The following PCDHGA8 variants were observed in gnomAD, a reference collection of about 807,000 sequenced individuals.
PCDHGA8 encodes the protein protocadherin gamma-A8.
A neutral mutation model predicts 59.2 loss-of-function variants in PCDHGA8; 45 were observed. The observed-to-expected ratio is 0.76, with a 90% CI of 0.60 to 0.98. The LOEUF (loss-of-function observed/expected upper bound fraction) is 0.98. Among genes scored for constraint, PCDHGA8 ranks in the 50% least tolerant of loss-of-function variants. The pLI is 0.00. For missense variants in PCDHGA8, 1,257 were observed against 1,196.2 expected, an observed-to-expected ratio of 1.05 and a Z score of -0.75; for synonymous variants, 531 against 519.0, an observed-to-expected ratio of 1.02 and a Z score of -0.32.
At chr5:141,494,099 C>T (rs976610819) in intron 1 of PCDHGA8, among the ~76,000 whole-genome samples, 3 of 152,172 alleles carry the variant, frequency 2.0e-5, no homozygotes, top group South Asian at 2.1e-4. Context: ...CATTTTTCTC[C>T]GTCTCAGACA....
In PCDHGA8 at chr5:141,476,628, C is replaced by T. The variant is rs899753438; in HGVS notation, c.2425-18179C>T. 6.2e-6 allele frequency: 10 copies of T among 1,614,160 alleles called. No individual in the cohort carries two copies. The highest frequency in any genetic ancestry group is 7.6e-6 in the Non-Finnish European group (9 of 1,180,068). On this transcript the variant is annotated intron_variant, in intron 1 of 3. Coordinates refer to ENST00000398604, the MANE Select transcript of PCDHGA8 (RefSeq NM_032088.2). The surrounding 1 kb of genome is among the most constrained non-coding windows in gnomAD (Gnocchi z 7.6). ...GATGTGGGAAGCAACTCTTTACAAACCTATGAGCTGAGCCGAAATGAATAC... is the reference window on the plus strand; with the variant it reads ...GATGTGGGAAGCAACTCTTTACAAATCTATGAGCTGAGCCGAAATGAATAC...
intron 1 of PCDHGA8, among the ~76,000 whole-genome samples, chr5:141,455,290 T>C (rs551962783): frequency 5.3e-5 from 8 of 152,206 alleles, no homozygotes; most frequent in East Asian, 1.9e-4. Flanking sequence ...TCACTTTACA[T>C]AGTTTCATCT....
chr5:141,398,799 C>T (rs2093705548), intron 1 of PCDHGA8: 3 of 1,613,848 alleles, frequency 1.9e-6, no homozygotes, highest in East Asian at 2.2e-5. Context: ...CCCTAAGCGG[C>T]ACCACTGAGC....
chr5:141,491,908 G>A lies in PCDHGA8; in HGVS notation c.2425-2899G>A. ...GGGGCTCCGAGCACCGGGGGTGGTG[G>A]CGACTGTGGGCGAGGGGAGGTGGGA... On this transcript the variant is annotated intron_variant, in intron 1 of 3. Transcript: ENST00000398604. The surrounding 1 kb of genome is among the most constrained non-coding windows in gnomAD (Gnocchi z 6.9). The A allele has an allele frequency of 7.1e-7, 1 of 1,408,288 alleles. No individual in the cohort carries two copies. Among genetic ancestry groups the A allele is most frequent in the East Asian group, 2.5e-5 (1 of 39,276 alleles). The allele number at this position is 1,408,288 out of a possible 1,614,324, so 87.2% of individuals were successfully genotyped here. A position where few individuals can be genotyped will look rare whatever the true frequency, so the allele number is the denominator to read the frequency against.
chr5:141,402,610 G>A (rs900326336), intron 1 of PCDHGA8, among the ~76,000 whole-genome samples: 1 of 152,168 alleles, frequency 6.6e-6, no homozygotes, highest in Admixed American at 6.5e-5. Context: ...AAATACAAAT[G>A]CAAGAAACAA....
At chr5:141,480,653 T>C (rs1214823403) in intron 1 of PCDHGA8, among the ~76,000 whole-genome samples, 2 of 152,190 alleles carry the variant, frequency 1.3e-5, no homozygotes, top group Admixed American at 1.3e-4. Context: ...TGGTTGCACA[T>C]TAAAATCACC....
At position 141,394,749 on chromosome 5, in the gene PCDHGA8, G is replaced by C. The variant is rs1270810324; in HGVS notation, c.1936G>C (p.Val646Leu). Residue 646 changes from valine (V) to leucine (L), a missense_variant, in exon 1 of 4, where the codon GTC (valine) becomes CTC (leucine). By Grantham distance (32) the Val-to-Leu change is conservative. Transcript: ENST00000398604. Reference sequence around the variant, plus strand: ...GCTCAAGCAGAGCCTCGTGGTGGCCGTCCAGGACCATGGCCAGCCCCCTCT... The same window carrying C: ...GCTCAAGCAGAGCCTCGTGGTGGCCCTCCAGGACCATGGCCAGCCCCCTCT... Reference protein sequence around the residue: ...DALKQSLVVAVQDHGQPPLSA... With the variant: ...DALKQSLVVALQDHGQPPLSA... 2 of 1,613,424 alleles carry C rather than the reference G, an allele frequency of 1.2e-6. No individual in the cohort carries two copies. The highest frequency in any genetic ancestry group is 1.7e-5 in the Admixed American group (1 of 60,028).
chr5:141,409,205 A>G (rs766592481), intron 1 of PCDHGA8: 3 of 1,614,068 alleles, frequency 1.9e-6, no homozygotes, highest in Non-Finnish European at 1.7e-6. Context: ...TAAAGTAATC[A>G]TAGAAATCCT....
In PCDHGA8 at chr5:141,509,418, A is replaced by G. The variant is rs767758113; in HGVS notation, c.2573-1529A>G. Among the ~76,000 whole-genome samples the G allele has an allele frequency of 2.6e-5, 4 of 152,188 alleles. No individual in the cohort carries two copies. The South Asian group carries it at 6.2e-4, about 24-fold the overall frequency. ...TCAGGGCCTCCAGCAGCGAGCCCCA[A>G]TGAGTCAAACTCTTGTTTCCTCCTC... On this transcript the variant is annotated intron_variant, in intron 3 of 3. Transcript: ENST00000398604.
chr5:141,399,584 C>A (rs765946308), intron 1 of PCDHGA8: 34 of 1,613,904 alleles, frequency 2.1e-5, no homozygotes, highest in Non-Finnish European at 2.6e-5. Context: ...GTCTCCTACT[C>A]TATCATGGCC....
At position 141,476,326 on chromosome 5, in the gene PCDHGA8, T is replaced by A. The variant is rs752845438; in HGVS notation, c.2425-18481T>A. Reference sequence around the variant, plus strand: ...CAGCCCGCAGGTTCCGGGTGGTGTCTGGAGCTAGCCGAAGATTCTTTGAGG... The same window carrying A: ...CAGCCCGCAGGTTCCGGGTGGTGTCAGGAGCTAGCCGAAGATTCTTTGAGG... On this transcript the variant is annotated intron_variant, in intron 1 of 3. Coordinates refer to ENST00000398604, the MANE Select transcript of PCDHGA8 (RefSeq NM_032088.2). This position sits in a 1 kb window ranked among gnomAD's most constrained non-coding sequence, Gnocchi z 7.6. The A allele has an allele frequency of 6.2e-7, 1 of 1,614,120 alleles. No individual in the cohort carries two copies. Among genetic ancestry groups the A allele is most frequent in the Non-Finnish European group, 8.5e-7 (1 of 1,180,034 alleles).
chr5:141,458,972 GTCC>G (rs2154566422), intron 1 of PCDHGA8, among the ~76,000 whole-genome samples: 1 of 151,882 alleles, frequency 6.6e-6, no homozygotes, highest in East Asian at 1.9e-4. Context: ...GCCTCAAGCA[GTCC>G]TCCTGCCTCA....
At chr5:141,502,621 A>G (rs918589202) in intron 2 of PCDHGA8, among the ~76,000 whole-genome samples, 3 of 152,162 alleles carry the variant, frequency 2.0e-5, no homozygotes, top group African/African-American at 7.2e-5. Context: ...AAATATAAGT[A>G]ATCTGTGGAT....
Position 141,427,512 on chromosome 5 carries a change from T to A in PCDHGA8, c.2424+32275T>A, listed in dbSNP as rs1483922394. ...GCTTGTAACAGATGGGACCCTGGATTGGGAGCGGATCCCGGAGTACAACGT... is the reference window on the plus strand; with the variant it reads ...GCTTGTAACAGATGGGACCCTGGATAGGGAGCGGATCCCGGAGTACAACGT... On this transcript the variant is annotated intron_variant, in intron 1 of 3. Transcript: ENST00000398604. 1.2e-5 allele frequency: 7 copies of A among 592,748 alleles called. No homozygotes were observed. The Admixed American group carries it at 1.3e-4, about 11-fold the overall frequency. 36.7% of individuals were successfully genotyped at this position (592,748 alleles called of 1,614,324 possible). A position where few individuals can be genotyped will look rare whatever the true frequency, so the allele number is the denominator to read the frequency against.
At chr5:141,395,379 C>A in intron 1 of PCDHGA8, 142 bp downstream of exon 1, 1 of 1,139,610 alleles carries the variant, frequency 8.8e-7, no homozygotes, top group Non-Finnish European at 1.2e-6. Flanking sequence ...GGTGGTGTTA[C>A]TATAAAATTG....
At position 141,489,318 on chromosome 5, in the gene PCDHGA8, G is replaced by T; in HGVS notation, c.2425-5489G>T. On this transcript the variant is annotated intron_variant, in intron 1 of 3. Coordinates refer to ENST00000398604, the MANE Select transcript of PCDHGA8 (RefSeq NM_032088.2). The surrounding 1 kb of genome is among the most constrained non-coding windows in gnomAD (Gnocchi z 4.5). ...TGTTGTCCTTGTGCTGCTGGGGCTG[G>T]GTGTCTGGGCAGCTTCGTTACTCAG... The T allele has an allele frequency of 6.3e-7, 1 of 1,599,092 alleles. No homozygotes were observed. Among genetic ancestry groups the T allele is most frequent in the Non-Finnish European group, 8.5e-7 (1 of 1,171,660 alleles).
Position 141,485,631 on chromosome 5 carries a change from C to T in PCDHGA8, c.2425-9176C>T. 6.2e-7 allele frequency: 1 copy of T among 1,611,764 alleles called. No homozygotes were observed. The highest frequency in any genetic ancestry group is 8.5e-7 in the Non-Finnish European group (1 of 1,178,360). Reference sequence around the variant, plus strand: ...GCAGCTCCTCCAGGACAGCGTTTCCCGTTGGAAAAGGCTCAGGATGCAGAT... The same window carrying T: ...GCAGCTCCTCCAGGACAGCGTTTCCTGTTGGAAAAGGCTCAGGATGCAGAT... On this transcript the variant is annotated intron_variant, in intron 1 of 3. Coordinates refer to ENST00000398604, the MANE Select transcript of PCDHGA8 (RefSeq NM_032088.2). The surrounding 1 kb of genome is among the most constrained non-coding windows in gnomAD (Gnocchi z 5.7).
At position 141,431,108 on chromosome 5, in the gene PCDHGA8, T is replaced by C; in HGVS notation, c.2424+35871T>C. 1 of 1,614,180 alleles carries C rather than the reference T, an allele frequency of 6.2e-7. No homozygotes were observed. The highest frequency in any genetic ancestry group is 8.5e-7 in the Non-Finnish European group (1 of 1,180,032). On this transcript the variant is annotated intron_variant, in intron 1 of 3. Coordinates refer to ENST00000398604, the MANE Select transcript of PCDHGA8 (RefSeq NM_032088.2). This position sits in a 1 kb window ranked among gnomAD's most constrained non-coding sequence, Gnocchi z 4.8. ...TCTGATGGAGGATAAAGTGAAAATATATGGAGTAGAAGTAGAAGTAAGGGA... is the reference window on the plus strand; with the variant it reads ...TCTGATGGAGGATAAAGTGAAAATACATGGAGTAGAAGTAGAAGTAAGGGA...
intron 1 of PCDHGA8, among the ~76,000 whole-genome samples, chr5:141,449,921 C>T (rs2098659300): frequency 6.6e-6 from 1 of 151,648 alleles, no homozygotes; most frequent in African/African-American, 2.4e-5. Flanking sequence ...TTAAATTCTA[C>T]CATACCTTAT....
Sources: gnomAD v4.1 joint callset for allele counts (sites outside exome capture counted in the v4.1 genomes callset) on GRCh38, gnomAD v4.1.1 for gene constraint, Gnocchi (gnomAD v3.1) non-coding constraint, MANE v1.5 for transcripts, NCBI Gene and HGNC (gene_info 2026-07-23, HGNC 2026-07-21) for gene names.